Variants in ADAMTS19 observed in about 807,000 individuals in gnomAD.
The protein encoded by ADAMTS19 is ADAM metallopeptidase with thrombospondin type 1 motif 19, also known as A disintegrin and metalloproteinase with thrombospondin motifs 19.
In ADAMTS19, 93 loss-of-function variants were observed where a neutral mutation model predicts 153.3. The observed-to-expected ratio is 0.61, with a 90% CI of 0.51 to 0.72. ADAMTS19 has a LOEUF of 0.72. ADAMTS19 is among the 30% of genes least tolerant of loss of function. The pLI, the probability that ADAMTS19 is intolerant of heterozygous loss-of-function variation, is 0.00. For synonymous variants in ADAMTS19, 600 were observed against 556.6 expected, an observed-to-expected ratio of 1.08 and a Z score of -1.10; for missense variants, 1,482 against 1,552.1, an observed-to-expected ratio of 0.95 and a Z score of 0.76.
At chr5:129,529,212 T>C (rs1752115408) in intron 6 of ADAMTS19, among the ~76,000 whole-genome samples, 1 of 152,150 alleles carries the variant, frequency 6.6e-6, no homozygotes, top group Non-Finnish European at 1.5e-5. Flanking sequence ...AGCAACAATA[T>C]GCTCTATATG....
At chr5:129,704,865 G>A (rs1756072089) in intron 21 of ADAMTS19, among the ~76,000 whole-genome samples, 2 of 152,030 alleles carry the variant, frequency 1.3e-5, no homozygotes, top group Admixed American at 6.6e-5. Flanking sequence ...GGAACAAAAT[G>A]TTGACATCCT....
At chr5:129,472,899 A>G (rs914553705) in intron 2 of ADAMTS19, among the ~76,000 whole-genome samples, 5 of 151,702 alleles carry the variant, frequency 3.3e-5, no homozygotes, top group Non-Finnish European at 2.9e-5. Flanking sequence ...GGGACCAACC[A>G]TACTACCAAG....
chr5:129,668,733 C>T (rs1291186411), intron 16 of ADAMTS19, among the ~76,000 whole-genome samples: 1 of 151,954 alleles, frequency 6.6e-6, no homozygotes, highest in Non-Finnish European at 1.5e-5. Flanking sequence ...TATCTTTTTC[C>T]CCCTCAATAA....
intron 15 of ADAMTS19, among the ~76,000 whole-genome samples, chr5:129,664,033 T>G (rs566878833): frequency 4.7e-4 from 71 of 152,228 alleles, no homozygotes; most frequent in African/African-American, 1.7e-3. Flanking sequence ...AGTTGTTCTC[T>G]CCTTTGAATC....
intron 2 of ADAMTS19, among the ~76,000 whole-genome samples, chr5:129,464,082 A>G (rs1358569014): frequency 6.6e-6 from 1 of 152,138 alleles, no homozygotes; most frequent in Non-Finnish European, 1.5e-5. Flanking sequence ...AAAAAGCTGG[A>G]GTGTTGTAGG....
At position 129,461,358 on chromosome 5, in the gene ADAMTS19, G is replaced by A. The variant is rs1219967465; in HGVS notation, c.348G>A (p.Glu116=). 4 of 1,339,522 alleles carry A rather than the reference G, an allele frequency of 3.0e-6. No homozygotes were observed. The East Asian group carries it at 1.2e-4, about 41-fold the overall frequency. 83.0% of individuals were successfully genotyped at this position (1,339,522 alleles called of 1,614,324 possible). Residue 116 remains glutamate (E), a synonymous_variant, in exon 2 of 23, where the codon GAG becomes GAA. Transcript: ENST00000274487. The surrounding 1 kb of genome is among the most constrained non-coding windows in gnomAD (Gnocchi z 4.6). ...ESRLRPPPPS[E]GEEDEELESQ... Reference sequence around the variant, plus strand: ...GGCTCCGGCCCCCGCCGCCGTCGGAGGGTGAGGAGGACGAGGAGCTCGAGT... The same window carrying A: ...GGCTCCGGCCCCCGCCGCCGTCGGAAGGTGAGGAGGACGAGGAGCTCGAGT...
chr5:129,674,157 G>T (rs967877811), intron 16 of ADAMTS19, among the ~76,000 whole-genome samples: 14 of 151,910 alleles, frequency 9.2e-5, no homozygotes, highest in African/African-American at 3.4e-4. Context: ...CTTGAACCCG[G>T]GAGGCGGAGG....
intron 20 of ADAMTS19, 131 bp from the exon 21 acceptor site, chr5:129,704,108 T>C (rs566350525): frequency 1.1e-6 from 1 of 938,750 alleles, no homozygotes; most frequent in East Asian, 2.7e-5. Context: ...AAACTTATTA[T>C]TTATAATTTT....
intron 10 of ADAMTS19, among the ~76,000 whole-genome samples, chr5:129,638,091 T>C (rs763101633): frequency 3.6e-4 from 55 of 152,070 alleles, no homozygotes; most frequent in Non-Finnish European, 6.9e-4. Flanking sequence ...GTGTCACAAA[T>C]CTTCATATGT....
chr5:129,520,805 G>A (rs1263906785), intron 3 of ADAMTS19, among the ~76,000 whole-genome samples: 3 of 152,042 alleles, frequency 2.0e-5, no homozygotes. Context: ...TTCTAAATCT[G>A]CATGGTTTTC....
intron 21 of ADAMTS19, among the ~76,000 whole-genome samples, chr5:129,707,029 C>A (rs895836538): frequency 6.6e-6 from 1 of 152,192 alleles, no homozygotes; most frequent in Non-Finnish European, 1.5e-5. Flanking sequence ...ATAGCTTCAA[C>A]AAATACAGTT....
At chr5:129,582,739 A>AT (rs57833122) in intron 7 of ADAMTS19, among the ~76,000 whole-genome samples, 4,915 of 140,880 alleles carry the variant, frequency 0.035, 100 homozygotes, top group East Asian at 0.057. Flanking sequence ...TGCCCAGCTA[A>AT]TTTTTTTTTT....
At chr5:129,686,306 G>A (rs1352001822) in intron 18 of ADAMTS19, among the ~76,000 whole-genome samples, 1 of 152,072 alleles carries the variant, frequency 6.6e-6, no homozygotes, top group Admixed American at 6.6e-5. Context: ...GGTGCAATAG[G>A]AGGAATATAA....
intron 10 of ADAMTS19, among the ~76,000 whole-genome samples, chr5:129,626,155 A>AC (rs1169662608): frequency 6.6e-6 from 1 of 152,126 alleles, no homozygotes. Context: ...TTAACAGAGA[A>AC]TGCTAGATCC....
At chr5:129,609,571 T>C (rs936227556) in intron 8 of ADAMTS19, among the ~76,000 whole-genome samples, 3 of 152,188 alleles carry the variant, frequency 2.0e-5, no homozygotes, top group Non-Finnish European at 4.4e-5. Flanking sequence ...TGAAGACTTG[T>C]AGACCACTAG....
intron 7 of ADAMTS19, among the ~76,000 whole-genome samples, chr5:129,576,494 C>G (rs1486684362): frequency 1.3e-5 from 2 of 151,936 alleles, no homozygotes; most frequent in Non-Finnish European, 2.9e-5. Context: ...TTAAATCTTT[C>G]TCATAAGTTT....
At chr5:129,554,502 G>A (rs1753246046) in intron 7 of ADAMTS19, among the ~76,000 whole-genome samples, 1 of 152,088 alleles carries the variant, frequency 6.6e-6, no homozygotes, top group Non-Finnish European at 1.5e-5. Context: ...GATCATATAT[G>A]CCTCCACTGG....
At chr5:129,578,103 C>CCT (rs1302921919) in intron 7 of ADAMTS19, among the ~76,000 whole-genome samples, 16 of 90,942 alleles carry the variant, frequency 1.8e-4, no homozygotes, top group African/African-American at 5.1e-4. Context: ...CATACATATA[C>CCT]ATATGCATGT....
intron 7 of ADAMTS19, among the ~76,000 whole-genome samples, chr5:129,553,214 C>T (rs1372020747): frequency 1.3e-5 from 2 of 152,092 alleles, no homozygotes; most frequent in African/African-American, 2.4e-5. Flanking sequence ...AACATCTTGC[C>T]TTGCTTGAGC....
Sources: gnomAD v4.1 joint callset for allele counts (sites outside exome capture counted in the v4.1 genomes callset) on GRCh38, gnomAD v4.1.1 for gene constraint, Gnocchi (gnomAD v3.1) non-coding constraint, MANE v1.5 for transcripts, NCBI Gene and HGNC (gene_info 2026-07-23, HGNC 2026-07-21) for gene names.